The following CCDC178 variants were observed in gnomAD, a reference collection of about 807,000 sequenced individuals.
The protein encoded by CCDC178 is coiled-coil domain containing 178, also known as coiled-coil domain-containing protein 178.
CCDC178 carries 126 observed loss-of-function variants against 117.4 expected under a neutral mutation model. The observed-to-expected ratio is 1.07, with a 90% CI of 0.93 to 1.24. The LOEUF (loss-of-function observed/expected upper bound fraction) is 1.24, where lower values mean the gene tolerates loss of function less well. CCDC178 is among the 50% of genes most tolerant of loss of function. The probability of loss-of-function intolerance (pLI) is 0.00; values close to 1 mark genes in which losing one functional copy is unlikely to be tolerated. For synonymous variants in CCDC178, 283 were observed against 313.4 expected (o/e 0.90, Z 1.02); for missense variants, 1,030 against 986.9 (o/e 1.04, Z -0.59).
chr18:33,395,266 T>C (rs1568199352), intron 4 of CCDC178, among the ~76,000 whole-genome samples: 1 of 151,866 alleles, frequency 6.6e-6, no homozygotes, highest in Non-Finnish European at 1.5e-5. Flanking sequence ...CTTCTTATAA[T>C]ACATTTAAAA....
rs185871654 is a variant in CCDC178 at position 33,075,340 on chromosome 18, G to A, written c.2388+17421C>T. Among the ~76,000 whole-genome samples, 303 of 152,006 alleles carry A rather than the reference G, an allele frequency of 2.0e-3. 3 individuals are homozygous for A. The highest frequency in any genetic ancestry group is 3.8e-4 in the Non-Finnish European group (26 of 67,974). ...AGAAACATTTTGCCTATGTTTATTG[G>A]CCATCTGGATTTTTAAAGCTTGCTA... On this transcript the variant is annotated intron_variant, in intron 21 of 22. Coordinates refer to ENST00000383096, the MANE Select transcript of CCDC178 (RefSeq NM_001105528.4).
intron 2 of CCDC178, among the ~76,000 whole-genome samples, chr18:33,430,387 T>C (rs1036426871): frequency 3.3e-5 from 5 of 152,240 alleles, no homozygotes; most frequent in African/African-American, 1.2e-4. Flanking sequence ...CAATATGTGT[T>C]CATTGCACAA....
At chr18:33,148,389 G>C (rs894175903) in intron 20 of CCDC178, among the ~76,000 whole-genome samples, 1 of 151,952 alleles carries the variant, frequency 6.6e-6, no homozygotes, top group Admixed American at 6.6e-5. Flanking sequence ...GTCCAGCTTC[G>C]GCTCGGCATC....
chr18:33,146,910 T>C (rs1332126795), intron 20 of CCDC178, among the ~76,000 whole-genome samples: 2 of 152,172 alleles, frequency 1.3e-5, no homozygotes, highest in East Asian at 1.9e-4. Flanking sequence ...AAAATACCCG[T>C]AAAGTTACAT....
Position 33,433,222 on chromosome 18 carries a change from T to C in CCDC178, c.-23+6740A>G, listed in dbSNP as rs958069856. On this transcript the variant is annotated intron_variant, in intron 2 of 22. Coordinates refer to ENST00000383096, the MANE Select transcript of CCDC178 (RefSeq NM_001105528.4). ...TTCTGCTTCTGCAAAAGGATATCCA[T>C]GCATTGGCATGGCATCTCCAGAGTA... Among the ~76,000 whole-genome samples the C allele has an allele frequency of 2.0e-5, 3 of 152,184 alleles. No homozygotes were observed. The South Asian group carries it at 6.2e-4, about 31-fold the overall frequency.
chr18:33,356,440 A>G lies in CCDC178; in HGVS notation c.349-94T>C. 19 of 1,182,002 alleles carry G rather than the reference A, an allele frequency of 1.6e-5. No individual in the cohort carries two copies. In the South Asian group the frequency reaches 2.9e-4, roughly 18 times the overall value. 73.2% of individuals were successfully genotyped at this position (1,182,002 alleles called of 1,614,324 possible). A position where few individuals can be genotyped will look rare whatever the true frequency, so the allele number is the denominator to read the frequency against. ...TAAACTTGTCAATTCTCTACTTTAC[A>G]TATCTCTACTTCATTATATTTTTGT... On this transcript the variant is annotated intron_variant, in intron 6 of 22. Coordinates refer to ENST00000383096, the MANE Select transcript of CCDC178 (RefSeq NM_001105528.4).
At chr18:33,253,670 T>G (rs1371200885) in intron 14 of CCDC178, among the ~76,000 whole-genome samples, 1 of 151,932 alleles carries the variant, frequency 6.6e-6, no homozygotes, top group African/African-American at 2.4e-5. Flanking sequence ...TGATTTTTTT[T>G]GAAGTAGGTT....
At chr18:33,035,412 C>A (rs919542668) in intron 21 of CCDC178, among the ~76,000 whole-genome samples, 19 of 151,890 alleles carry the variant, frequency 1.3e-4, no homozygotes, top group African/African-American at 4.6e-4. Flanking sequence ...TATCCACACA[C>A]ACAATGGAAT....
chr18:33,438,819 T>C (rs2064331464), intron 2 of CCDC178, among the ~76,000 whole-genome samples: 1 of 152,200 alleles, frequency 6.6e-6, no homozygotes, highest in South Asian at 2.1e-4. Flanking sequence ...CCTTTCCATG[T>C]TGTCTGTAAT....
intron 20 of CCDC178, among the ~76,000 whole-genome samples, chr18:33,200,636 T>C (rs2058980732): frequency 6.6e-6 from 1 of 152,228 alleles, no homozygotes; most frequent in African/African-American, 2.4e-5. Context: ...ATGTTTTCAC[T>C]ACTTGAAGTA....
chr18:32,994,443 T>A (rs1315109133), intron 21 of CCDC178, among the ~76,000 whole-genome samples: 2 of 152,194 alleles, frequency 1.3e-5, no homozygotes, highest in South Asian at 2.1e-4. Context: ...AACTCTTTTT[T>A]AATCTCCTTC....
chr18:33,013,992 C>T (rs1393119390), intron 21 of CCDC178, among the ~76,000 whole-genome samples: 4 of 152,188 alleles, frequency 2.6e-5, no homozygotes, highest in Non-Finnish European at 4.4e-5. Context: ...TGACAGAACT[C>T]TGAAAATTAA....
chr18:33,415,221 A>C (rs1022440801), intron 2 of CCDC178, among the ~76,000 whole-genome samples: 13 of 152,228 alleles, frequency 8.5e-5, no homozygotes, highest in African/African-American at 3.1e-4. Context: ...AAAGGATTAT[A>C]AATCATGCTG....
At chr18:33,107,619 T>C (rs1207959257) in intron 20 of CCDC178, among the ~76,000 whole-genome samples, 2 of 151,692 alleles carry the variant, frequency 1.3e-5, no homozygotes, top group African/African-American at 4.8e-5. Context: ...TGTAATACAA[T>C]TTTACATGCC....
At chr18:33,194,927 A>C (rs2058909483) in intron 20 of CCDC178, among the ~76,000 whole-genome samples, 1 of 140,090 alleles carries the variant, frequency 7.1e-6, no homozygotes, top group Admixed American at 7.1e-5. Flanking sequence ...AAAGAGAGAG[A>C]GAGAGGGAGA....
chr18:33,258,490 C>T (rs1235882858), intron 14 of CCDC178, among the ~76,000 whole-genome samples: 1 of 152,186 alleles, frequency 6.6e-6, no homozygotes, highest in African/African-American at 2.4e-5. Flanking sequence ...GAGTCCTCAA[C>T]CCTGCCCTGG....
chr18:33,226,633 G>T (rs953382040), intron 16 of CCDC178, among the ~76,000 whole-genome samples, 160 bp downstream of exon 16: 8 of 152,302 alleles, frequency 5.3e-5, no homozygotes, highest in African/African-American at 1.7e-4. Flanking sequence ...ATCAGACACT[G>T]CTGGTTGTAC....
intron 20 of CCDC178, among the ~76,000 whole-genome samples, chr18:33,152,310 T>G (rs2058350348): frequency 6.6e-6 from 1 of 152,124 alleles, no homozygotes; most frequent in Admixed American, 6.5e-5. Context: ...CAAAATCATT[T>G]TCAAATACGC....
chr18:33,080,690 T>C (rs2057283298), intron 21 of CCDC178, among the ~76,000 whole-genome samples: 1 of 152,158 alleles, frequency 6.6e-6, no homozygotes, highest in African/African-American at 2.4e-5. Flanking sequence ...GTAGTTTTGT[T>C]TTCTAAGGAA....
Sources: gnomAD v4.1 joint callset for allele counts (sites outside exome capture counted in the v4.1 genomes callset) on GRCh38, gnomAD v4.1.1 for gene constraint, MANE v1.5 for transcripts, NCBI Gene and HGNC (gene_info 2026-07-23, HGNC 2026-07-21) for gene names.